Variants in CCDC3 observed in about 807,000 individuals in gnomAD.
CCDC3 encodes coiled-coil domain containing 3.
CCDC3 carries 24 observed loss-of-function variants against 21.4 expected under a neutral mutation model. The ratio of observed to expected loss-of-function variants is 1.12; its 90% confidence interval spans 0.81 to 1.58. CCDC3 has a LOEUF of 1.58. Among genes scored for constraint, CCDC3 ranks in the 40% most tolerant of loss-of-function variants. CCDC3 has a pLI of 0.00. For missense variants in CCDC3, 425 were observed against 360.9 expected (o/e 1.18, Z -1.44); for synonymous variants, 186 against 166.0 (o/e 1.12, Z -0.93).
intron 2 of CCDC3, among the ~76,000 whole-genome samples, chr10:12,899,194 A>G (rs1268942307): frequency 6.6e-6 from 1 of 151,598 alleles, no homozygotes; most frequent in Non-Finnish European, 1.5e-5. Context: ...AGCACACAGA[A>G]GGTGGATAGT....
chr10:12,959,251 T>G (rs2131255269), intron 2 of CCDC3, among the ~76,000 whole-genome samples: 1 of 151,764 alleles, frequency 6.6e-6, no homozygotes, highest in Non-Finnish European at 1.5e-5. Flanking sequence ...CACTGCAACC[T>G]CTGCCTCCTG....
intron 2 of CCDC3, among the ~76,000 whole-genome samples, chr10:12,929,033 G>A (rs1057476959): frequency 2.0e-5 from 3 of 152,092 alleles, no homozygotes; most frequent in Non-Finnish European, 4.4e-5. Flanking sequence ...GGAGGCCTAG[G>A]TGGGTGGATC....
rs976172254 is a variant in CCDC3 at position 13,031,248 on chromosome 10, G to A, written c.-2+18426C>T. Among the ~76,000 whole-genome samples, 98 of 152,238 alleles carry A rather than the reference G, an allele frequency of 6.4e-4. 1 individual carries two copies. Among genetic ancestry groups the A allele is most frequent in the Middle Eastern group, 6.8e-3 (2 of 294 alleles). On this transcript the variant is annotated intron_variant, in intron 5 of 6. Transcript: ENST00000378839. Reference sequence around the variant, plus strand: ...AACAACCTGCTCCTGAGTGACTACTGGGTAAATAACGAAATGAAGGCAGAA... The same window carrying A: ...AACAACCTGCTCCTGAGTGACTACTAGGTAAATAACGAAATGAAGGCAGAA...
intron 2 of CCDC3, among the ~76,000 whole-genome samples, chr10:12,914,122 G>A (rs1246121527): frequency 6.6e-6 from 1 of 152,118 alleles, no homozygotes; most frequent in Non-Finnish European, 1.5e-5. Context: ...ATTCCCTCCT[G>A]TTCAATTTTG....
At chr10:13,019,234 T>TA (rs371384489) in intron 5 of CCDC3, among the ~76,000 whole-genome samples, 97 of 150,820 alleles carry the variant, frequency 6.4e-4, no homozygotes, top group Non-Finnish European at 2.1e-4. Flanking sequence ...ACTCTGTCTT[T>TA]AAAAAAGAAA....
chr10:12,967,231 G>A (rs976540111), intron 2 of CCDC3, among the ~76,000 whole-genome samples: 2 of 152,200 alleles, frequency 1.3e-5, no homozygotes, highest in African/African-American at 4.8e-5. Flanking sequence ...ACAGCTCCAA[G>A]AGGTGACTTC....
In CCDC3 at chr10:12,906,672, T is replaced by G. The variant is rs1047936561; in HGVS notation, c.550-7993A>C. ...ATCGGACAGTGGGGTCTTGCTTAAG[T>G]CAATGAACCTGTCTTGGCTCAGTCT... is the stretch of plus-strand genomic sequence containing the variant. On this transcript the variant is annotated intron_variant, in intron 2 of 2. Transcript: ENST00000378825. Among the ~76,000 whole-genome samples the G allele has an allele frequency of 2.6e-5, 4 of 152,296 alleles. No individual in the cohort carries two copies. In the South Asian group the frequency reaches 8.3e-4, roughly 32 times the overall value.
At chr10:13,019,911 G>A (rs540973460) in intron 5 of CCDC3, among the ~76,000 whole-genome samples, 56 of 152,136 alleles carry the variant, frequency 3.7e-4, no homozygotes, top group Non-Finnish European at 7.5e-4. Context: ...CAGAAGAATC[G>A]CTTGAAACCT....
intron 5 of CCDC3, among the ~76,000 whole-genome samples, chr10:13,019,565 G>A (rs1022798846): frequency 3.9e-5 from 6 of 152,230 alleles, no homozygotes; most frequent in African/African-American, 1.4e-4. Context: ...GTACTTGGTA[G>A]AAGAATATCT....
chr10:12,915,931 G>A (rs1225711795), intron 2 of CCDC3, among the ~76,000 whole-genome samples: 2 of 152,090 alleles, frequency 1.3e-5, no homozygotes, highest in African/African-American at 4.8e-5. Context: ...TCTGCAGGGT[G>A]GACCTGGGGC....
chr10:13,046,215 G>A (rs1318469505), intron 5 of CCDC3, among the ~76,000 whole-genome samples: 1 of 151,712 alleles, frequency 6.6e-6, no homozygotes, highest in African/African-American at 2.4e-5. Context: ...AGACCAGCTT[G>A]GGCAACATAG....
upstream of CCDC3, among the ~76,000 whole-genome samples, chr10:13,006,020 G>A (rs1271448338): frequency 1.3e-5 from 2 of 152,042 alleles, no homozygotes; most frequent in Admixed American, 6.6e-5. Context: ...CTGAATTTTT[G>A]TGGGGCCTAT....
At chr10:12,912,450 C>A (rs1834284480) in intron 2 of CCDC3, among the ~76,000 whole-genome samples, 1 of 152,036 alleles carries the variant, frequency 6.6e-6, no homozygotes, top group South Asian at 2.1e-4. Flanking sequence ...GGTCCTTTGC[C>A]CATTTTTTAA....
At chr10:13,008,501 A>G (rs1835949710) in intron 5 of CCDC3, among the ~76,000 whole-genome samples, 2 of 152,206 alleles carry the variant, frequency 1.3e-5, no homozygotes, top group African/African-American at 4.8e-5. Context: ...AGTTACACAC[A>G]AGAGGTTGAT....
At chr10:13,059,749 G>A (rs1012513974) in intron 4 of CCDC3, among the ~76,000 whole-genome samples, 2 of 152,096 alleles carry the variant, frequency 1.3e-5, no homozygotes, top group African/African-American at 2.4e-5. Context: ...TTTCTCTTGT[G>A]CATTCTCACA....
intron 5 of CCDC3, among the ~76,000 whole-genome samples, chr10:13,014,798 T>C (rs1589040535): frequency 6.6e-6 from 1 of 152,238 alleles, no homozygotes; most frequent in South Asian, 2.1e-4. Context: ...GCTATGAATT[T>C]TTTGAAAGAG....
chr10:12,975,365 C>T (rs549675486), intron 2 of CCDC3, among the ~76,000 whole-genome samples: 3 of 152,306 alleles, frequency 2.0e-5, no homozygotes, highest in Non-Finnish European at 2.9e-5. Context: ...CAGGAACCTT[C>T]CAGAGTTCTG....
At chr10:12,942,175 G>A (rs1209550690) in intron 2 of CCDC3, among the ~76,000 whole-genome samples, 2 of 152,150 alleles carry the variant, frequency 1.3e-5, no homozygotes, top group African/African-American at 2.4e-5. Flanking sequence ...TGACATTTGG[G>A]CAAATGAAAA....
intron 2 of CCDC3, among the ~76,000 whole-genome samples, chr10:12,969,877 C>T (rs2580920): frequency 0.7 from 106,762 of 151,630 alleles, 38,347 homozygotes; most frequent in African/African-American, 0.86. Context: ...TACCATGTGA[C>T]CTCAGTTATA....
Sources: allele counts gnomAD v4.1 joint callset (sites outside exome capture counted in the v4.1 genomes callset), GRCh38; gene constraint gnomAD v4.1.1; transcripts MANE v1.5; gene names NCBI Gene and HGNC (gene_info 2026-07-23, HGNC 2026-07-21).